The following COBLL1 variants were observed in gnomAD, a reference collection of about 807,000 sequenced individuals.
The protein encoded by COBLL1 is cordon-bleu protein-like 1.
A neutral mutation model predicts 94.8 loss-of-function variants in COBLL1; 50 were observed. That is an observed-to-expected ratio of 0.53 (90% CI 0.42 to 0.67). COBLL1 has a LOEUF of 0.67. Among genes scored for constraint, COBLL1 ranks in the 30% least tolerant of loss-of-function variants. The pLI, the probability that COBLL1 is intolerant of heterozygous loss-of-function variation, is 0.00. For synonymous variants in COBLL1, 448 were observed against 473.8 expected (o/e 0.95, Z 0.71); for missense variants, 1,362 against 1,348.7 (o/e 1.01, Z -0.15).
chr2:164,793,285 G>A (rs575697039), intron 2 of COBLL1, among the ~76,000 whole-genome samples: 8 of 151,120 alleles, frequency 5.3e-5, no homozygotes, highest in African/African-American at 1.7e-4. Flanking sequence ...TTTAAAGAAA[G>A]GTTTCAAGCT....
intron 2 of COBLL1, among the ~76,000 whole-genome samples, chr2:164,753,188 C>T (rs1219477335): frequency 6.6e-6 from 1 of 152,114 alleles, no homozygotes; most frequent in Non-Finnish European, 1.5e-5. Context: ...TTTTCTCTCT[C>T]TTGGCATTCA....
intron 3 of COBLL1, among the ~76,000 whole-genome samples, chr2:164,737,560 C>G (rs536784554): frequency 6.6e-6 from 1 of 152,194 alleles, no homozygotes; most frequent in Non-Finnish European, 1.5e-5. Context: ...TATAGTTAAA[C>G]ATGGTTTGTA....
At position 164,663,851 on chromosome 2, in the gene COBLL1, C is replaced by T. The variant is rs1691107646; in HGVS notation, n.181+1996G>A. ...AAAACTTCCTATTGGGTACTATGTT[C>T]ACTATTTGTGTGACAAGATAAATGG... On this transcript the variant is annotated intron_variant and non_coding_transcript_variant, in intron 2 of 2. Transcript: ENST00000495084. Among the ~76,000 whole-genome samples, 3 of 152,130 alleles carry T rather than the reference C, an allele frequency of 2.0e-5. No individual in the cohort carries two copies. In the South Asian group the frequency reaches 6.2e-4, roughly 32 times the overall value.
intron 3 of COBLL1, among the ~76,000 whole-genome samples, chr2:164,736,648 T>C (rs1223640759): frequency 6.6e-6 from 1 of 152,094 alleles, no homozygotes; most frequent in Non-Finnish European, 1.5e-5. Context: ...TAAACACACA[T>C]ACATGCCCCT....
chr2:164,787,516 A>G (rs1682924613), intron 2 of COBLL1, among the ~76,000 whole-genome samples: 1 of 152,176 alleles, frequency 6.6e-6, no homozygotes, highest in Non-Finnish European at 1.5e-5. Flanking sequence ...CATATTCTAT[A>G]TCTTAAATAT....
intron 2 of COBLL1, among the ~76,000 whole-genome samples, chr2:164,839,819 A>G (rs1448222650): frequency 6.6e-6 from 1 of 152,214 alleles, no homozygotes; most frequent in African/African-American, 2.4e-5. Flanking sequence ...ATGTGAGAAT[A>G]TATGTCAGGA....
intron 2 of COBLL1, among the ~76,000 whole-genome samples, chr2:164,809,730 G>T (rs2105336907): frequency 6.6e-6 from 1 of 152,004 alleles, no homozygotes; most frequent in Non-Finnish European, 1.5e-5. Context: ...CCTGGAGTCA[G>T]CATCTTTTAA....
chr2:164,739,620 A>G (rs1686491980), intron 3 of COBLL1, among the ~76,000 whole-genome samples: 1 of 152,200 alleles, frequency 6.6e-6, no homozygotes, highest in South Asian at 2.1e-4. Flanking sequence ...GTCTCAAAAA[A>G]CTGCATTGAA....
intron 1 of COBLL1, among the ~76,000 whole-genome samples, chr2:164,666,538 A>G (rs954145413): frequency 1.3e-5 from 2 of 152,312 alleles, no homozygotes; most frequent in Admixed American, 1.3e-4. Flanking sequence ...TGCCACACTA[A>G]CAAACTCTTC....
At chr2:164,773,102 C>T (rs566544918) in intron 2 of COBLL1, among the ~76,000 whole-genome samples, 2 of 92,968 alleles carry the variant, frequency 2.2e-5, no homozygotes, top group African/African-American at 1.1e-4. Context: ...ACAGAGAGGT[C>T]CATGCCAGGA....
At chr2:164,791,283 ATATAT>A (rs1348116470) in intron 2 of COBLL1, among the ~76,000 whole-genome samples, 2 of 152,194 alleles carry the variant, frequency 1.3e-5, no homozygotes, top group African/African-American at 4.8e-5. Context: ...AGTTACCTAC[ATATAT>A]TAATCAAATA....
intron 2 of COBLL1, among the ~76,000 whole-genome samples, chr2:164,776,399 C>G (rs544112319): frequency 6.6e-6 from 1 of 152,140 alleles, no homozygotes; most frequent in South Asian, 2.1e-4. Context: ...AAGCACCCCC[C>G]GTCTTAGAGG....
chr2:164,731,117 G>A (rs1019472483), intron 3 of COBLL1, among the ~76,000 whole-genome samples: 2 of 152,142 alleles, frequency 1.3e-5, no homozygotes, highest in African/African-American at 2.4e-5. Flanking sequence ...TTTATATAAC[G>A]TCTCAGGCTG....
At chr2:164,802,372 A>G (rs1377113821) in intron 2 of COBLL1, among the ~76,000 whole-genome samples, 1 of 152,246 alleles carries the variant, frequency 6.6e-6, no homozygotes, top group African/African-American at 2.4e-5. Context: ...TCTATAATGT[A>G]GGCTAAGATT....
rs1264551646 is a variant in COBLL1, at chr2:164,681,669, G to T, written c.*4277C>A. 1.3e-5 allele frequency: 2 copies of T among 152,170 alleles called. No individual in the cohort carries two copies. The highest frequency in any genetic ancestry group is 2.9e-5 in the Non-Finnish European group (2 of 68,022). The allele number at this position is 152,170 out of a possible 1,614,324, so 9.4% of individuals were successfully genotyped here. On this transcript the variant is annotated 3_prime_UTR_variant, in exon 14 of 14. Coordinates refer to ENST00000652658, the MANE Select transcript of COBLL1 (RefSeq NM_001365672.2). ...TCGCAAGGCGTGGGCTGGAAACTAAGAATAAACTGGGGAGCAAAAAAGTTG... is the reference window on the plus strand; with the variant it reads ...TCGCAAGGCGTGGGCTGGAAACTAATAATAAACTGGGGAGCAAAAAAGTTG...
Position 164,695,364 on chromosome 2 carries a change from T to G in COBLL1, c.2028A>C (p.Pro676=). The change falls in exon 12 of 14, where the codon CCA becomes CCC. Residue 676 remains proline (P), a synonymous_variant. Transcript: ENST00000652658. ...GATCATCATTACCATGTGCACAAAT[T>G]GGATCTTTTACGGTAAGCGGATCTT... ...HSEDPLTVKD[P]ICAHGNDDLL... is the part of the protein sequence containing the mutation. 3.7e-6 allele frequency: 6 copies of G among 1,613,990 alleles called. No homozygotes were observed. The highest frequency in any genetic ancestry group is 5.1e-6 in the Non-Finnish European group (6 of 1,179,940).
intron 2 of COBLL1, among the ~76,000 whole-genome samples, chr2:164,769,892 T>C (rs1480916199): frequency 1.3e-5 from 2 of 152,182 alleles, no homozygotes; most frequent in Non-Finnish European, 2.9e-5. Context: ...TATTTTACAA[T>C]ATTAATCAAC....
Position 164,731,345 on chromosome 2 carries a change from A to G in COBLL1, c.231-1230T>C, listed in dbSNP as rs533514337. On this transcript the variant is annotated intron_variant, in intron 3 of 13. Coordinates refer to ENST00000652658, the MANE Select transcript of COBLL1 (RefSeq NM_001365672.2). ...TATTGGTAATACAGGACTTATTTCTATAGAAACTTTCATACCCAACTTGGA... is the reference window on the plus strand; with the variant it reads ...TATTGGTAATACAGGACTTATTTCTGTAGAAACTTTCATACCCAACTTGGA... Among the ~76,000 whole-genome samples the G allele has an allele frequency of 7.2e-5, 11 of 152,346 alleles. No individual in the cohort carries two copies. In the South Asian group the frequency reaches 2.1e-3, roughly 29 times the overall value.
At chr2:164,739,249 A>C (rs1345069613) in intron 3 of COBLL1, among the ~76,000 whole-genome samples, 5 of 151,946 alleles carry the variant, frequency 3.3e-5, no homozygotes, top group Admixed American at 1.3e-4. Context: ...CCTGAGCATA[A>C]AGTCTGTGAC....
Sources: gnomAD v4.1 joint callset for allele counts (sites outside exome capture counted in the v4.1 genomes callset) on GRCh38, gnomAD v4.1.1 for gene constraint, MANE v1.5 for transcripts, NCBI Gene and HGNC (gene_info 2026-07-23, HGNC 2026-07-21) for gene names.